The following SFXN1 variants were observed in gnomAD, a reference collection of about 807,000 sequenced individuals.
SFXN1 encodes sideroflexin-1.
Under a neutral mutation model 39.5 loss-of-function variants are expected in SFXN1, and 32 were observed. The observed-to-expected ratio is 0.81, with a 90% CI of 0.61 to 1.09. The LOEUF (loss-of-function observed/expected upper bound fraction) is 1.09, where lower values mean the gene tolerates loss of function less well. Ranked by LOEUF, SFXN1 falls within the 50% of genes least tolerant of loss-of-function variation. SFXN1 has a pLI of 0.00. For synonymous variants in SFXN1, 136 were observed against 146.5 expected, an observed-to-expected ratio of 0.93 and a Z score of 0.52; for missense variants, 402 against 407.1, an observed-to-expected ratio of 0.99 and a Z score of 0.11.
At chr5:175,503,754 A>G (rs1260761274) in intron 2 of SFXN1, among the ~76,000 whole-genome samples, 5 of 151,888 alleles carry the variant, frequency 3.3e-5, no homozygotes, top group African/African-American at 4.8e-5. Context: ...CATAATCCCA[A>G]CACTTTGAGA....
chr5:175,481,858 G>A (rs922361857), intron 1 of SFXN1, among the ~76,000 whole-genome samples: 9 of 150,944 alleles, frequency 6.0e-5, no homozygotes, highest in African/African-American at 2.0e-4. Context: ...GATCTCCTGT[G>A]TGGCCATGCC....
At chr5:175,502,807 C>T (rs1364555167) in intron 2 of SFXN1, among the ~76,000 whole-genome samples, 5 of 152,074 alleles carry the variant, frequency 3.3e-5, no homozygotes, top group African/African-American at 1.2e-4. Context: ...CGCCATTGCA[C>T]TCCAGCCTGG....
intron 8 of SFXN1, among the ~76,000 whole-genome samples, chr5:175,517,673 A>T (rs942253949): frequency 5.9e-5 from 9 of 152,208 alleles, no homozygotes; most frequent in African/African-American, 2.2e-4. Context: ...GACAGAAATG[A>T]TAGTATAGTC....
At chr5:175,501,063 ATTTTT>A (rs531862744) in intron 2 of SFXN1, among the ~76,000 whole-genome samples, 13 of 116,074 alleles carry the variant, frequency 1.1e-4, no homozygotes, top group Non-Finnish European at 1.3e-4. Flanking sequence ...ATGGGCAAAG[ATTTTT>A]TTTTTTTTTT....
intron 1 of SFXN1, among the ~76,000 whole-genome samples, chr5:175,479,918 G>T (rs1340894011): frequency 2.0e-5 from 3 of 152,076 alleles, no homozygotes; most frequent in Non-Finnish European, 2.9e-5. Flanking sequence ...AGTGTTCTAG[G>T]CATTGTTATA....
intron 10 of SFXN1, chr5:175,522,711 A>T (rs1760919740): frequency 1.2e-5 from 4 of 332,882 alleles, no homozygotes; most frequent in African/African-American, 2.1e-5. Flanking sequence ...AAAATTTAAA[A>T]TATGGTCCAA....
At chr5:175,522,030 A>G in intron 9 of SFXN1, 62 bp downstream of exon 9, 1 of 1,380,276 alleles carries the variant, frequency 7.2e-7, no homozygotes, top group Non-Finnish European at 1.0e-6. Flanking sequence ...CAGCGTATGA[A>G]AGGTGACTGG....
intron 10 of SFXN1, among the ~76,000 whole-genome samples, chr5:175,524,482 G>T (rs1016967636): frequency 6.6e-6 from 1 of 151,938 alleles, no homozygotes; most frequent in African/African-American, 2.4e-5. Context: ...TCTCCTATGT[G>T]AACAAGTGAT....
chr5:175,515,023 CGTT>C (rs1225640363), intron 7 of SFXN1, among the ~76,000 whole-genome samples: 1 of 151,646 alleles, frequency 6.6e-6, no homozygotes, highest in East Asian at 2.0e-4. Context: ...TTGTTGTCGT[CGTT>C]GTTTTTGAGA....
At chr5:175,510,673 A>G (rs1581309786) in intron 4 of SFXN1, among the ~76,000 whole-genome samples, 1 of 152,188 alleles carries the variant, frequency 6.6e-6, no homozygotes, top group African/African-American at 2.4e-5. Flanking sequence ...TATGTTTTTA[A>G]AATAGCTCAT....
At chr5:175,490,931 C>G (rs765987328) in intron 1 of SFXN1, among the ~76,000 whole-genome samples, 9 of 152,096 alleles carry the variant, frequency 5.9e-5, no homozygotes, top group Non-Finnish European at 1.3e-4. Context: ...TAGAAAATGT[C>G]TATAAGGAAA....
chr5:175,482,985 GCCTTC>G (rs1364802675), intron 1 of SFXN1, among the ~76,000 whole-genome samples: 3 of 152,084 alleles, frequency 2.0e-5, no homozygotes, highest in African/African-American at 7.2e-5. Context: ...TACATAAGAG[GCCTTC>G]AGTGGATATG....
Position 175,490,569 on chromosome 5 carries a change from A to G in SFXN1, c.-9-1526A>G, listed in dbSNP as rs977370161. On this transcript the variant is annotated intron_variant, in intron 1 of 10. Transcript: ENST00000321442. ...AAGTAACTTAAGGAAAAGTGACCTG[A>G]AAGGAGAATTAAAATTAAAACTGGT... Among the ~76,000 whole-genome samples the G allele has an allele frequency of 2.0e-5, 3 of 152,232 alleles. No homozygotes were observed. In the East Asian group the frequency reaches 5.8e-4, roughly 29 times the overall value.
intron 8 of SFXN1, among the ~76,000 whole-genome samples, chr5:175,518,411 C>A (rs1206882194): frequency 6.6e-6 from 1 of 152,112 alleles, no homozygotes; most frequent in South Asian, 2.1e-4. Context: ...TTGCTGAATG[C>A]TTGTTTATGC....
chr5:175,501,274 T>C (rs1760072161), intron 2 of SFXN1, among the ~76,000 whole-genome samples: 1 of 152,052 alleles, frequency 6.6e-6, no homozygotes, highest in South Asian at 2.1e-4. Context: ...TTCACTGTGT[T>C]AGCCAGGATG....
At chr5:175,489,036 C>G (rs1271075704) in intron 1 of SFXN1, among the ~76,000 whole-genome samples, 2 of 152,166 alleles carry the variant, frequency 1.3e-5, no homozygotes, top group Non-Finnish European at 2.9e-5. Flanking sequence ...TCTTTGTTCA[C>G]CGATGCGGCC....
At chr5:175,492,985 G>T (rs1759715078) in intron 2 of SFXN1, among the ~76,000 whole-genome samples, 1 of 152,204 alleles carries the variant, frequency 6.6e-6, no homozygotes, top group Admixed American at 6.5e-5. Flanking sequence ...TGGGCACGGT[G>T]GCTCACGCCT....
chr5:175,520,350 A>G (rs770867030), intron 8 of SFXN1, among the ~76,000 whole-genome samples: 24 of 152,134 alleles, frequency 1.6e-4, no homozygotes, highest in Non-Finnish European at 2.8e-4. Context: ...ACCTTGAGAA[A>G]TGTTGTGAAT....
intron 10 of SFXN1, among the ~76,000 whole-genome samples, chr5:175,525,100 T>A (rs1236627467): frequency 1.3e-5 from 2 of 152,184 alleles, no homozygotes; most frequent in Non-Finnish European, 2.9e-5. Flanking sequence ...CAAACTCTCC[T>A]GGAAGATAAA....
Sources: allele counts gnomAD v4.1 joint callset (sites outside exome capture counted in the v4.1 genomes callset), GRCh38; gene constraint gnomAD v4.1.1; transcripts MANE v1.5; gene names NCBI Gene and HGNC (gene_info 2026-07-23, HGNC 2026-07-21).